The following DOCK1 variants were observed in gnomAD, a reference collection of about 807,000 sequenced individuals.
DOCK1 encodes the protein dedicator of cytokinesis protein 1.
DOCK1 carries 138 observed loss-of-function variants against 262.7 expected under a neutral mutation model. That is an observed-to-expected ratio of 0.53 (90% CI 0.46 to 0.61). The LOEUF is 0.61. DOCK1 is among the 20% of genes least tolerant of loss of function. DOCK1 has a pLI of 0.00. For synonymous variants in DOCK1, 866 were observed against 867.4 expected (o/e 1.00, Z 0.03); for missense variants, 1,908 against 2,370.7 (o/e 0.80, Z 4.05).
chr10:127,032,338 A>G lies in DOCK1; in HGVS notation c.1912+18A>G. 9 of 1,496,946 alleles carry G rather than the reference A, an allele frequency of 6.0e-6. No individual in the cohort carries two copies. Among genetic ancestry groups the G allele is most frequent in the Non-Finnish European group, 8.0e-6 (9 of 1,127,360 alleles). 92.7% of individuals were successfully genotyped at this position (1,496,946 alleles called of 1,614,324 possible). A position where few individuals can be genotyped will look rare whatever the true frequency, so the allele number is the denominator to read the frequency against. On this transcript the variant is annotated intron_variant, in intron 18 of 51. Coordinates refer to ENST00000623213, the MANE Select transcript of DOCK1 (RefSeq NM_001290223.2). ...TCAGAACGGTGCGTTCGAGAGGAGA[A>G]ACACACTCACCCCAGGAGCTCTGCC...
chr10:126,947,940 G>T (rs927401149), intron 1 of DOCK1, among the ~76,000 whole-genome samples: 4 of 137,496 alleles, frequency 2.9e-5, no homozygotes, highest in Non-Finnish European at 4.6e-5. Flanking sequence ...ATTACTGTTG[G>T]TGGTGGTGGT....
At chr10:127,431,271 G>C (rs1457830750) in intron 47 of DOCK1, among the ~76,000 whole-genome samples, 1 of 152,204 alleles carries the variant, frequency 6.6e-6, no homozygotes, top group Non-Finnish European at 1.5e-5. Context: ...CAAAAGTAAA[G>C]CCCTGATGTC....
chr10:127,416,177 C>T (rs1458952967), intron 44 of DOCK1, among the ~76,000 whole-genome samples: 1 of 152,246 alleles, frequency 6.6e-6, no homozygotes, highest in Non-Finnish European at 1.5e-5. Flanking sequence ...ATACTCAAAG[C>T]ACCCAGGGCT....
intron 21 of DOCK1, among the ~76,000 whole-genome samples, chr10:127,047,971 G>A (rs927797331): frequency 2.0e-5 from 3 of 152,236 alleles, no homozygotes; most frequent in Non-Finnish European, 2.9e-5. Flanking sequence ...AGGCTGCGAT[G>A]AATATTCTTG....
intron 1 of DOCK1, among the ~76,000 whole-genome samples, chr10:126,957,364 T>C (rs977760658): frequency 3.3e-5 from 5 of 152,216 alleles, no homozygotes; most frequent in Admixed American, 6.5e-5. Flanking sequence ...GCCTTTGGCA[T>C]GTGCAACTTC....
intron 47 of DOCK1, among the ~76,000 whole-genome samples, chr10:127,432,645 G>A (rs7095670): frequency 0.34 from 51,982 of 151,984 alleles, 9,250 homozygotes; most frequent in African/African-American, 0.39. Flanking sequence ...ATGTCAAGAA[G>A]AAGATGGAAA....
intron 23 of DOCK1, among the ~76,000 whole-genome samples, chr10:127,083,564 A>C (rs2047030112): frequency 6.6e-6 from 1 of 152,248 alleles, no homozygotes; most frequent in African/African-American, 2.4e-5. Flanking sequence ...ATAATAAAAC[A>C]GAGTGGAATA....
intron 27 of DOCK1, among the ~76,000 whole-genome samples, chr10:127,182,261 G>GC (rs2133978147): frequency 6.6e-6 from 1 of 152,272 alleles, no homozygotes; most frequent in East Asian, 1.9e-4. Flanking sequence ...CTTAGGTTCA[G>GC]CCCCCACTCA....
In DOCK1 at chr10:127,154,020, G is replaced by A. The variant is rs1317721039; in HGVS notation, c.2847+26256G>A. ...AAATCAAATGCCTTCCCAATGCCAA[G>A]CTCATCATGGTCATGGAAATTGATT... On this transcript the variant is annotated intron_variant, in intron 27 of 51. Coordinates refer to ENST00000623213, the MANE Select transcript of DOCK1 (RefSeq NM_001290223.2). The A allele has an allele frequency of 4.9e-6, 4 of 818,280 alleles. No individual in the cohort carries two copies. The African/African-American group carries it at 5.1e-5, about 10-fold the overall frequency. 50.7% of individuals were successfully genotyped at this position (818,280 alleles called of 1,614,324 possible).
At chr10:127,191,808 G>T (rs1171859234) in intron 27 of DOCK1, among the ~76,000 whole-genome samples, 1 of 152,150 alleles carries the variant, frequency 6.6e-6, no homozygotes, top group Non-Finnish European at 1.5e-5. Context: ...TTTCTCTCTG[G>T]GATGTGCCTG....
chr10:127,003,981 A>G (rs949545487), intron 10 of DOCK1, among the ~76,000 whole-genome samples: 1 of 151,860 alleles, frequency 6.6e-6, no homozygotes, highest in African/African-American at 2.4e-5. Flanking sequence ...AAGGCCAGGT[A>G]CAGTGGCTCA....
intron 22 of DOCK1, among the ~76,000 whole-genome samples, chr10:127,060,386 C>T (rs1333993485): frequency 6.6e-6 from 1 of 152,160 alleles, no homozygotes; most frequent in South Asian, 2.1e-4. Context: ...ATTTACAAAA[C>T]AGATCCACTA....
intron 1 of DOCK1, among the ~76,000 whole-genome samples, chr10:126,970,287 T>C (rs1252616682): frequency 1.3e-5 from 2 of 152,228 alleles, no homozygotes; most frequent in African/African-American, 4.8e-5. Flanking sequence ...CTACTGTGAT[T>C]GTAAAATCTA....
At chr10:127,321,083 C>G (rs990316496) in intron 29 of DOCK1, among the ~76,000 whole-genome samples, 17 of 152,286 alleles carry the variant, frequency 1.1e-4, no homozygotes, top group Admixed American at 7.8e-4. Context: ...CCTCCCCAGT[C>G]TCAGACACTG....
intron 25 of DOCK1, among the ~76,000 whole-genome samples, chr10:127,115,050 C>T (rs1029066561): frequency 1.3e-5 from 2 of 152,170 alleles, no homozygotes; most frequent in Non-Finnish European, 2.9e-5. Flanking sequence ...CCACCGCGCC[C>T]GGCCAGTCCA....
intron 5 of DOCK1, 30 bp downstream of exon 5, chr10:126,987,647 T>C: frequency 6.5e-7 from 1 of 1,530,548 alleles, no homozygotes. Flanking sequence ...ATTCAAAGCT[T>C]AGAAATAGAG....
At chr10:127,139,477 G>T (rs2051017090) in intron 27 of DOCK1, among the ~76,000 whole-genome samples, 1 of 151,816 alleles carries the variant, frequency 6.6e-6, no homozygotes, top group South Asian at 2.1e-4. Flanking sequence ...TTTTCGAAGA[G>T]CCTCTTTGAG....
At chr10:127,347,383 GCAGCCCGGAGA>G (rs1226989462) in intron 31 of DOCK1, among the ~76,000 whole-genome samples, 1 of 152,226 alleles carries the variant, frequency 6.6e-6, no homozygotes, top group Non-Finnish European at 1.5e-5. Flanking sequence ...GAGGGCCTTG[GCAGCCCGGAGA>G]CGGCCCGTGG....
rs186573495 is a variant in DOCK1 at position 126,982,039 on chromosome 10, G to A, written c.227+66G>A. 3.9e-5 allele frequency: 60 copies of A among 1,534,714 alleles called. No individual in the cohort carries two copies. The East Asian group carries it at 1.3e-3, about 33-fold the overall frequency. ...CTATATTTGGCCTTGCTGCTCTTTT[G>A]TACGATGGCGTAATATGAGAGGGTC... On this transcript the variant is annotated intron_variant, in intron 4 of 51. Coordinates refer to ENST00000623213, the MANE Select transcript of DOCK1 (RefSeq NM_001290223.2).
Sources: gnomAD v4.1 joint callset for allele counts (sites outside exome capture counted in the v4.1 genomes callset) on GRCh38, gnomAD v4.1.1 for gene constraint, MANE v1.5 for transcripts, NCBI Gene and HGNC (gene_info 2026-07-23, HGNC 2026-07-21) for gene names.